CNOT2: variants seen among roughly 807,000 people sequenced by gnomAD.
CNOT2 encodes the protein CCR4-NOT transcription complex subunit 2.
CNOT2 carries 7 observed loss-of-function variants against 72.1 expected under a neutral mutation model. That is an observed-to-expected ratio of 0.10 (90% CI 0.06 to 0.18). The LOEUF is 0.18. CNOT2 is among the 10% of genes least tolerant of loss of function. CNOT2 has a pLI of 1.00. For synonymous variants in CNOT2, 196 were observed against 225.6 expected, an observed-to-expected ratio of 0.87 and a Z score of 1.17; for missense variants, 345 against 660.3, an observed-to-expected ratio of 0.52 and a Z score of 5.23.
Position 70,304,986 on chromosome 12 carries a change from T to C in CNOT2, c.49-5909T>C, listed in dbSNP as rs1445495126. ...GACCCTCTGAGCCAGGTGCGGGATA[T>C]AATCTGGTGTGCCTTTTGTTAAACC... On this transcript the variant is annotated intron_variant, in intron 2 of 15. Coordinates refer to ENST00000229195, the MANE Select transcript of CNOT2 (RefSeq NM_014515.7). 5.9e-5 allele frequency among the ~76,000 whole-genome samples: 9 copies of C among 152,194 alleles called. No homozygotes were observed. The East Asian group carries it at 1.7e-3, about 29-fold the overall frequency.
chr12:70,312,072 A>G (rs1876560243), intron 3 of CNOT2, among the ~76,000 whole-genome samples: 1 of 151,916 alleles, frequency 6.6e-6, no homozygotes, highest in Non-Finnish European at 1.5e-5. Context: ...CAAACTATCA[A>G]TGGCATTATT....
chr12:70,338,427 A>AT lies in CNOT2; in HGVS notation c.901-9dup. On this transcript the variant is annotated splice_polypyrimidine_tract_variant and intron_variant, in intron 9 of 15. Coordinates refer to ENST00000229195, the MANE Select transcript of CNOT2 (RefSeq NM_014515.7). ...TTAACAAATTTTAATGTCACATTTA[A>AT]TTTTTTTCATGCTAGAATTTGAATA... 4 of 1,588,334 alleles carry AT rather than the reference A, an allele frequency of 2.5e-6. No homozygotes were observed. Among genetic ancestry groups the AT allele is most frequent in the South Asian group, 1.2e-5 (1 of 86,248 alleles).
intron 1 of CNOT2, among the ~76,000 whole-genome samples, chr12:70,262,606 A>C (rs528188368): frequency 1.3e-5 from 2 of 152,220 alleles, no homozygotes; most frequent in South Asian, 4.1e-4. Flanking sequence ...CAGTCTGTCA[A>C]GTTTGCTAGC....
chr12:70,272,013 A>T (rs1394979786), intron 1 of CNOT2, among the ~76,000 whole-genome samples: 1 of 152,234 alleles, frequency 6.6e-6, no homozygotes, highest in Non-Finnish European at 1.5e-5. Context: ...TTTGTATTTT[A>T]AAAGTATTTG....
At chr12:70,267,764 A>T (rs1407510249) in intron 1 of CNOT2, among the ~76,000 whole-genome samples, 1 of 152,270 alleles carries the variant, frequency 6.6e-6, no homozygotes, top group Admixed American at 6.5e-5. Context: ...AGGATTTAAG[A>T]GGAAAAGAAT....
At position 70,302,845 on chromosome 12, in the gene CNOT2, G is replaced by T. The variant is rs1240691885; in HGVS notation, c.49-8050G>T. ...AAAGTCTCCCATTATTATTGTGTGG[G>T]AGTCTAAGTCTCTTTGTAGGTCACT... On this transcript the variant is annotated intron_variant, in intron 2 of 15. Coordinates refer to ENST00000229195, the MANE Select transcript of CNOT2 (RefSeq NM_014515.7). Among the ~76,000 whole-genome samples the T allele has an allele frequency of 3.9e-5, 6 of 152,328 alleles. No homozygotes were observed. In the East Asian group the frequency reaches 1.2e-3, roughly 29 times the overall value.
At chr12:70,307,871 C>G (rs573559027) in intron 2 of CNOT2, 1 of 151,702 alleles carries the variant, frequency 6.6e-6, no homozygotes, top group East Asian at 1.9e-4. Context: ...CCTCTTTAGC[C>G]CATTCCTCAT....
In CNOT2 at chr12:70,353,913, TAAAAAAAA is replaced by T. The variant is rs35192504; in HGVS notation, c.*16_*23del. 10 of 1,274,528 alleles carry T rather than the reference TAAAAAAAA, an allele frequency of 7.8e-6. No individual in the cohort carries two copies. Among genetic ancestry groups the T allele is most frequent in the African/African-American group, 2.3e-5 (1 of 44,116 alleles). The allele number at this position is 1,274,528 out of a possible 1,614,324, so 79.0% of individuals were successfully genotyped here. On this transcript the variant is annotated stop_retained_variant and 3_prime_UTR_variant, in exon 16 of 16. Coordinates refer to ENST00000229195, the MANE Select transcript of CNOT2 (RefSeq NM_014515.7). ...CTACAACCCTGCTCAGCAAGCCTTC[TAAAAAAAA>T]AAAAAAAAAAAAAAAAAGACTTCCC...
chr12:70,311,478 G>A (rs190009254), intron 3 of CNOT2, among the ~76,000 whole-genome samples: 54 of 152,008 alleles, frequency 3.6e-4, no homozygotes, highest in Non-Finnish European at 5.9e-4. Flanking sequence ...TCTCTCCTCT[G>A]TTCAGCCATA....
chr12:70,315,529 A>T (rs1407579561), intron 3 of CNOT2, among the ~76,000 whole-genome samples: 5 of 152,080 alleles, frequency 3.3e-5, no homozygotes, highest in African/African-American at 1.2e-4. Flanking sequence ...TGGTCATGGA[A>T]TTTTTATTTA....
intron 2 of CNOT2, among the ~76,000 whole-genome samples, chr12:70,302,562 T>C (rs957142345): frequency 2.0e-5 from 3 of 152,254 alleles, no homozygotes; most frequent in Non-Finnish European, 4.4e-5. Flanking sequence ...CTAGTTTGAT[T>C]GCACTGTGGT....
At chr12:70,326,649 T>C (rs989361981) in intron 4 of CNOT2, among the ~76,000 whole-genome samples, 6 of 151,826 alleles carry the variant, frequency 4.0e-5, no homozygotes, top group Non-Finnish European at 8.8e-5. Context: ...AAACAAATCT[T>C]TATATATACC....
chr12:70,332,952 G>C, intron 7 of CNOT2, 106 bp downstream of exon 7: 1 of 1,352,500 alleles, frequency 7.4e-7, no homozygotes. Flanking sequence ...TTTTTATTAT[G>C]TTAGATGGTA....
At chr12:70,255,467 A>C (rs1374826214) in intron 1 of CNOT2, among the ~76,000 whole-genome samples, 1 of 152,120 alleles carries the variant, frequency 6.6e-6, no homozygotes. Flanking sequence ...AGCCTTTTGA[A>C]GCATTAAAAG....
Position 70,342,377 on chromosome 12 carries a change from G to T in CNOT2, c.1290+70G>T, listed in dbSNP as rs191850863. On this transcript the variant is annotated intron_variant, in intron 13 of 15. Transcript: ENST00000229195. ...ATTTTTCACATGTTTTTCAGTTCAG[G>T]CAGCATACTATTTTTGAAATAATTA... 644 of 1,551,054 alleles carry T rather than the reference G, an allele frequency of 4.2e-4. 7 individuals carry two copies. The highest frequency in any genetic ancestry group is 4.2e-5 in the Non-Finnish European group (48 of 1,134,130).
At chr12:70,314,448 C>T (rs1204418490) in intron 3 of CNOT2, among the ~76,000 whole-genome samples, 3 of 151,864 alleles carry the variant, frequency 2.0e-5, no homozygotes, top group African/African-American at 7.3e-5. Context: ...ACTGAAGTGA[C>T]TGCTGTAATT....
intron 1 of CNOT2, among the ~76,000 whole-genome samples, chr12:70,246,200 G>A (rs1257611937): frequency 6.6e-6 from 1 of 152,110 alleles, no homozygotes; most frequent in Non-Finnish European, 1.5e-5. Flanking sequence ...AAAAGCAGTG[G>A]TAAATAATAG....
At chr12:70,278,695 T>C (rs1037014808) in intron 2 of CNOT2, among the ~76,000 whole-genome samples, 2 of 152,148 alleles carry the variant, frequency 1.3e-5, no homozygotes, top group African/African-American at 4.8e-5. Context: ...GAGTAGAGTA[T>C]AGAAGAAATA....
intron 4 of CNOT2, chr12:70,321,634 T>G (rs989495536): frequency 6.6e-6 from 1 of 151,888 alleles, no homozygotes; most frequent in African/African-American, 2.4e-5. Flanking sequence ...GTACCACTAT[T>G]AATTCTGTTC....
Sources: gnomAD v4.1 joint callset for allele counts (sites outside exome capture counted in the v4.1 genomes callset) on GRCh38, gnomAD v4.1.1 for gene constraint, MANE v1.5 for transcripts, NCBI Gene and HGNC (gene_info 2026-07-23, HGNC 2026-07-21) for gene names.